Variants in ANKRD28 observed in about 807,000 individuals in gnomAD.
The protein encoded by ANKRD28 is serine/threonine-protein phosphatase 6 regulatory ankyrin repeat subunit A.
ANKRD28 carries 44 observed loss-of-function variants against 126.5 expected under a neutral mutation model. The observed-to-expected ratio is 0.35, with a 90% confidence interval of 0.27 to 0.45. The LOEUF (loss-of-function observed/expected upper bound fraction) is 0.45, where lower values mean the gene tolerates loss of function less well. Ranked by LOEUF, ANKRD28 falls within the 20% of genes least tolerant of loss-of-function variation. The probability of loss-of-function intolerance (pLI) is 1.00; values close to 1 mark genes in which losing one functional copy is unlikely to be tolerated. For synonymous variants in ANKRD28, 442 were observed against 468.5 expected, an observed-to-expected ratio of 0.94 and a Z score of 0.73; for missense variants, 1,110 against 1,316.6, an observed-to-expected ratio of 0.84 and a Z score of 2.43.
intron 21 of ANKRD28, among the ~76,000 whole-genome samples, chr3:15,679,993 AT>A (rs2067367757): frequency 6.6e-6 from 1 of 152,180 alleles, no homozygotes. Flanking sequence ...CATAGGTTAT[AT>A]GCAAATACTA....
At position 15,797,900 on chromosome 3, in the gene ANKRD28, A is replaced by C. The variant is rs189030539; in HGVS notation, c.-1379T>G. ...TCCCACAGAAGCATTCCAACGGAGC[A>C]ACAGTCTGAAGAGCAAAGACTGCAG... On this transcript the variant is annotated 5_prime_UTR_variant, in exon 1 of 28. Coordinates refer to ENST00000683139, the MANE Select transcript of ANKRD28 (RefSeq NM_001349278.2). 1 of 985,332 alleles carries C rather than the reference A, an allele frequency of 1.0e-6. No individual in the cohort carries two copies. The highest frequency in any genetic ancestry group is 1.2e-6 in the Non-Finnish European group (1 of 829,968). The allele number at this position is 985,332 out of a possible 1,614,324, so 61.0% of individuals were successfully genotyped here. A position where few individuals can be genotyped will look rare whatever the true frequency, so the allele number is the denominator to read the frequency against.
chr3:15,674,592 T>C (rs2066743268), intron 27 of ANKRD28, among the ~76,000 whole-genome samples: 1 of 152,196 alleles, frequency 6.6e-6, no homozygotes, highest in Non-Finnish European at 1.5e-5. Flanking sequence ...GGGCTGGAGA[T>C]ATAAATCTGG....
chr3:15,777,366 T>C (rs947897554), intron 2 of ANKRD28, among the ~76,000 whole-genome samples: 7 of 151,706 alleles, frequency 4.6e-5, no homozygotes, highest in Non-Finnish European at 1.5e-5. Context: ...CCCCAAAGCA[T>C]CAATTTGGTT....
intron 12 of ANKRD28, 109 bp from the exon 13 acceptor site, chr3:15,709,845 C>A: frequency 1.6e-6 from 1 of 622,624 alleles, no homozygotes; most frequent in African/African-American, 1.9e-5. Context: ...ATAAATGTGA[C>A]AAAAATGATG....
rs114468578 is a variant in ANKRD28, at chr3:15,789,164, C to T, written c.201+6059G>A. 9.8e-3 allele frequency among the ~76,000 whole-genome samples: 1,486 copies of T among 152,188 alleles called. 21 individuals are homozygous for T. Among genetic ancestry groups the T allele is most frequent in the African/African-American group, 0.033 (1,369 of 41,526 alleles). On this transcript the variant is annotated intron_variant, in intron 2 of 27. Coordinates refer to ENST00000683139, the MANE Select transcript of ANKRD28 (RefSeq NM_001349278.2). ...CAGTTTTTAGGCAACTAATAACCGT[C>T]CAGTTAGGTTCCTATCCAAACAACT...
intron 1 of ANKRD28, among the ~76,000 whole-genome samples, chr3:15,855,900 T>C (rs888358198): frequency 4.6e-5 from 7 of 152,234 alleles, no homozygotes; most frequent in African/African-American, 1.7e-4. Context: ...CACTCAACTG[T>C]ACCCTTTAAG....
At chr3:15,821,804 C>A (rs1025925911) in intron 1 of ANKRD28, among the ~76,000 whole-genome samples, 2 of 152,092 alleles carry the variant, frequency 1.3e-5, no homozygotes, top group Non-Finnish European at 2.9e-5. Context: ...CTAATATGGA[C>A]CTTATTCTCA....
At chr3:15,695,626 G>C (rs1027224009) in intron 15 of ANKRD28, among the ~76,000 whole-genome samples, 1 of 152,000 alleles carries the variant, frequency 6.6e-6, no homozygotes, top group Non-Finnish European at 1.5e-5. Flanking sequence ...TCTTTTCCTT[G>C]ACTTTCCTTC....
chr3:15,749,302 C>T (rs531439941), intron 4 of ANKRD28, among the ~76,000 whole-genome samples: 1,809 of 150,474 alleles, frequency 0.012, 37 homozygotes, highest in African/African-American at 0.041. Flanking sequence ...TTAGTAGAGA[C>T]GGGGTTTCAC....
intron 3 of ANKRD28, among the ~76,000 whole-genome samples, chr3:15,756,775 A>G (rs1038334324): frequency 2.0e-5 from 3 of 152,160 alleles, no homozygotes; most frequent in African/African-American, 7.2e-5. Context: ...TTTAAACAAC[A>G]AAGGGCACTC....
intron 1 of ANKRD28, among the ~76,000 whole-genome samples, chr3:15,857,546 A>C (rs1323733596): frequency 6.6e-6 from 1 of 152,234 alleles, no homozygotes; most frequent in Admixed American, 6.5e-5. Context: ...CGGCCTCTCA[A>C]AGTGTTGGGA....
chr3:15,801,821 G>A (rs2060470776), upstream of ANKRD28, among the ~76,000 whole-genome samples: 1 of 152,106 alleles, frequency 6.6e-6, no homozygotes, highest in African/African-American at 2.4e-5. The surrounding 1 kb of genome is among the most constrained non-coding windows in gnomAD (Gnocchi z 4.9). Context: ...ACTCTCTGCA[G>A]GTAATATATT....
chr3:15,721,139 G>C lies in ANKRD28; in HGVS notation c.784-12C>G. 6.3e-7 allele frequency: 1 copy of C among 1,591,112 alleles called. No individual in the cohort carries two copies. Among genetic ancestry groups the C allele is most frequent in the Non-Finnish European group, 8.6e-7 (1 of 1,169,478 alleles). On this transcript the variant is annotated splice_polypyrimidine_tract_variant and intron_variant, in intron 7 of 27. Coordinates refer to ENST00000683139, the MANE Select transcript of ANKRD28 (RefSeq NM_001349278.2). ...TTTGGTTCATTCATCTATTAGAAGGGAAAAAAATGCGAATGTTAAAGTAGT... is the reference window on the plus strand; with the variant it reads ...TTTGGTTCATTCATCTATTAGAAGGCAAAAAAATGCGAATGTTAAAGTAGT...
Position 15,825,349 on chromosome 3 carries a change from T to C in ANKRD28, c.28-30043A>G, listed in dbSNP as rs917160935. 2.7e-4 allele frequency among the ~76,000 whole-genome samples: 41 copies of C among 152,316 alleles called. 1 individual carries two copies. In the Middle Eastern group the frequency reaches 0.01, roughly 38 times the overall value. On this transcript the variant is annotated intron_variant, in intron 1 of 27. Transcript: ENST00000399451. ...TACTGTACAACGCTAATTTTTCAAATTAAATCCATAATCTCAATGGAATAT... is the reference window on the plus strand; with the variant it reads ...TACTGTACAACGCTAATTTTTCAAACTAAATCCATAATCTCAATGGAATAT...
In ANKRD28 at chr3:15,846,332, A is replaced by C. The variant is rs2061530357; in HGVS notation, c.27+13045T>G. ...TCTGAAACCCAGCAAGGCAGTCATT[A>C]AATCTTAAAGCTCCAAAATAATCTC... On this transcript the variant is annotated intron_variant, in intron 1 of 27. Coordinates refer to the ANKRD28 transcript ENST00000399451. This position sits in a 1 kb window ranked among gnomAD's most constrained non-coding sequence, Gnocchi z 5.4. 6.6e-6 allele frequency among the ~76,000 whole-genome samples: 1 copy of C among 152,242 alleles called. No individual in the cohort carries two copies. The highest frequency in any genetic ancestry group is 2.1e-4 in the South Asian group (1 of 4,836).
intron 9 of ANKRD28, 72 bp downstream of exon 9, chr3:15,714,506 T>G: frequency 9.1e-7 from 1 of 1,093,312 alleles, no homozygotes; most frequent in Non-Finnish European, 1.3e-6. Context: ...TACCATTCAT[T>G]TGGTGGATGT....
chr3:15,732,200 C>T (rs183642283), intron 6 of ANKRD28: 53 of 152,200 alleles, frequency 3.5e-4, no homozygotes, highest in African/African-American at 1.3e-3. Flanking sequence ...AGAGTTTGCC[C>T]CAATGGAGGT....
intron 26 of ANKRD28, chr3:15,676,723 T>G (rs1423840498): frequency 1.5e-5 from 5 of 325,950 alleles, no homozygotes; most frequent in Non-Finnish European, 2.9e-5. Context: ...TTCAGAAAAT[T>G]AGGTAGGTGG....
chr3:15,838,446 G>A lies in ANKRD28; in HGVS notation c.27+20931C>T, dbSNP rs776269822. On this transcript the variant is annotated intron_variant, in intron 1 of 27. Coordinates refer to the ANKRD28 transcript ENST00000399451. The surrounding 1 kb of genome is among the most constrained non-coding windows in gnomAD (Gnocchi z 4.0). ...TATACGACCCAGCGATTCTACTCAA[G>A]AATCTTTGTGGCCAGGCATGGTGGG... 5.3e-5 allele frequency among the ~76,000 whole-genome samples: 8 copies of A among 152,156 alleles called. No individual in the cohort carries two copies. The highest frequency in any genetic ancestry group is 3.3e-4 in the Admixed American group (5 of 15,280).
Sources: allele counts gnomAD v4.1 joint callset (sites outside exome capture counted in the v4.1 genomes callset), GRCh38; gene constraint gnomAD v4.1.1; non-coding constraint Gnocchi (gnomAD v3.1); transcripts MANE v1.5; gene names NCBI Gene and HGNC (gene_info 2026-07-23, HGNC 2026-07-21).